The following RBM20 variants were observed in gnomAD, a reference collection of about 807,000 sequenced individuals.
RBM20 encodes the protein RNA-binding protein 20.
RBM20 carries 51 observed loss-of-function variants against 110.1 expected under a neutral mutation model. The observed-to-expected ratio is 0.46, with a 90% CI of 0.37 to 0.59. The LOEUF is 0.59. Among genes scored for constraint, RBM20 ranks in the 20% least tolerant of loss-of-function variants. The pLI is 0.00. For synonymous variants in RBM20, 589 were observed against 618.2 expected, an observed-to-expected ratio of 0.95 and a Z score of 0.70; for missense variants, 1,512 against 1,574.9, an observed-to-expected ratio of 0.96 and a Z score of 0.68.
intron 1 of RBM20, among the ~76,000 whole-genome samples, chr10:110,746,885 G>A (rs1359843349): frequency 1.3e-5 from 2 of 152,136 alleles, no homozygotes; most frequent in Non-Finnish European, 2.9e-5. Flanking sequence ...ATTGTCTATC[G>A]AAATTACATT....
intron 1 of RBM20, among the ~76,000 whole-genome samples, chr10:110,668,929 C>G (rs1369969058): frequency 6.6e-6 from 1 of 150,408 alleles, no homozygotes; most frequent in Non-Finnish European, 1.5e-5. Context: ...ATTTTAAGTC[C>G]TGGCCCTTGC....
intron 7 of RBM20, among the ~76,000 whole-genome samples, chr10:110,803,944 C>T (rs957000680): frequency 4.0e-5 from 6 of 151,884 alleles, no homozygotes; most frequent in South Asian, 2.1e-4. Context: ...TTTCTCTCCA[C>T]GCTGCCTTCT....
intron 1 of RBM20, among the ~76,000 whole-genome samples, chr10:110,694,400 C>A (rs1036781874): frequency 8.5e-5 from 13 of 152,168 alleles, no homozygotes; most frequent in African/African-American, 3.1e-4. Flanking sequence ...TGGGGCTGGG[C>A]TAGCTCTTAT....
intron 8 of RBM20, among the ~76,000 whole-genome samples, 187 bp downstream of exon 8, chr10:110,810,649 C>T (rs991623190): frequency 3.9e-5 from 6 of 152,224 alleles, no homozygotes; most frequent in Admixed American, 3.9e-4. Flanking sequence ...AGACATGCTG[C>T]TCCGGTTAAC....
At chr10:110,686,692 G>T (rs1862510219) in intron 1 of RBM20, among the ~76,000 whole-genome samples, 1 of 152,066 alleles carries the variant, frequency 6.6e-6, no homozygotes, top group Non-Finnish European at 1.5e-5. Context: ...ACAGATGTCT[G>T]GAATTTGGAA....
Position 110,791,475 on chromosome 10 carries a change from AGCCTCTTATTTGAACTCGG to A in RBM20, c.1528-6015_1528-5997del, listed in dbSNP as rs377401029. ...GGCAACTCTAAGTTATTTGAACTTG[AGCCTCTTATTTGAACTCGG>A]GCCTCTTATTTGAACTCATCTGTGA... is the stretch of plus-strand genomic sequence containing the variant. On this transcript the variant is annotated intron_variant, in intron 5 of 13. Coordinates refer to ENST00000369519, the MANE Select transcript of RBM20 (RefSeq NM_001134363.3). Among the ~76,000 whole-genome samples, 449 of 152,316 alleles carry A rather than the reference AGCCTCTTATTTGAACTCGG, an allele frequency of 2.9e-3. 1 individual carries two copies. Among genetic ancestry groups the A allele is most frequent in the African/African-American group, 0.01 (431 of 41,578 alleles).
Position 110,837,133 on chromosome 10 carries a change from G to A in RBM20, c.*1155G>A, listed in dbSNP as rs1365159557. 1 of 152,320 alleles carries A rather than the reference G, an allele frequency of 6.6e-6. No individual in the cohort carries two copies. The highest frequency in any genetic ancestry group is 1.5e-5 in the Non-Finnish European group (1 of 68,092). The allele number at this position is 152,320 out of a possible 1,614,324, so 9.4% of individuals were successfully genotyped here. A position where few individuals can be genotyped will look rare whatever the true frequency, so the allele number is the denominator to read the frequency against. ...TGCAGATCCAAAGAGTGGCATTGAA[G>A]TTTGCTGGGTGTCTGTAGGTGGACC... On this transcript the variant is annotated 3_prime_UTR_variant, in exon 14 of 14. Transcript: ENST00000369519.
chr10:110,808,103 G>A (rs914341172), intron 7 of RBM20, among the ~76,000 whole-genome samples: 4 of 152,254 alleles, frequency 2.6e-5, no homozygotes, highest in African/African-American at 9.6e-5. Context: ...AGTAGCCGGA[G>A]TTCATTGTGT....
chr10:110,824,756 G>A (rs1367491167), intron 12 of RBM20, among the ~76,000 whole-genome samples: 13 of 152,240 alleles, frequency 8.5e-5, no homozygotes, highest in East Asian at 1.9e-4. Flanking sequence ...GAGTCCCCTC[G>A]CATTAGCTCT....
rs1285889652 is a variant in RBM20 at position 110,784,387 on chromosome 10, G to A, written c.1384G>A (p.Ala462Thr). Residue 462 changes from alanine (A) to threonine (T), a missense_variant, in exon 4 of 14, where the codon GCT becomes ACT. Coordinates refer to ENST00000369519, the MANE Select transcript of RBM20 (RefSeq NM_001134363.3). ...TGGTTCGGCAGAGGGAACATTGTGT[G>A]CTTCTCCCAACAGCACAGCTGTTTA... Reference protein sequence around the residue: ...ILGSAEGTLCASPNSTAVYNP... With the variant: ...ILGSAEGTLCTSPNSTAVYNP... 11 of 1,551,440 alleles carry A rather than the reference G, an allele frequency of 7.1e-6. No individual in the cohort carries two copies. Among genetic ancestry groups the A allele is most frequent in the South Asian group, 4.8e-5 (4 of 84,046 alleles).
chr10:110,733,408 T>C (rs1345522667), intron 1 of RBM20, among the ~76,000 whole-genome samples: 2 of 152,200 alleles, frequency 1.3e-5, no homozygotes, highest in African/African-American at 2.4e-5. Context: ...GCTGGGAGGA[T>C]TGACGATGTG....
At chr10:110,810,808 T>C (rs542856695) in intron 8 of RBM20, among the ~76,000 whole-genome samples, 15 of 148,566 alleles carry the variant, frequency 1.0e-4, no homozygotes, top group Non-Finnish European at 1.8e-4. Context: ...TGTGTGTGTG[T>C]GTGTGTGCGT....
rs151112592 is a variant in RBM20 at position 110,702,687 on chromosome 10, G to T, written c.191+58042G>T. Among the ~76,000 whole-genome samples, 980 of 152,350 alleles carry T rather than the reference G, an allele frequency of 6.4e-3. 4 individuals carry two copies. The highest frequency in any genetic ancestry group is 0.01 in the Middle Eastern group (3 of 294). On this transcript the variant is annotated intron_variant, in intron 1 of 13. Coordinates refer to ENST00000369519, the MANE Select transcript of RBM20 (RefSeq NM_001134363.3). ...GTCTTCTGTGCCTGTCCACCCACTA[G>T]CCCTCATGGGCGTAATGCAGAGATC...
intron 1 of RBM20, among the ~76,000 whole-genome samples, chr10:110,730,810 CAT>C (rs1843612886): frequency 6.6e-6 from 1 of 152,212 alleles, no homozygotes; most frequent in South Asian, 2.1e-4. Flanking sequence ...AGAGCAAAGT[CAT>C]GTGGGAGAGG....
chr10:110,784,427 A>G lies in RBM20; in HGVS notation c.1424A>G (p.Asn475Ser), dbSNP rs761937892. ...NSTAVYNPAG[N>S]EDYASNLGTS... ...ACAGCTGTTTATAACCCTGCTGGGAATGAAGGTGAGCAAGGCCCTACAGGT... is the reference window on the plus strand; with the variant it reads ...ACAGCTGTTTATAACCCTGCTGGGAGTGAAGGTGAGCAAGGCCCTACAGGT... Residue 475 changes from asparagine to serine, a missense_variant, in exon 4 of 14, where the codon AAT (asparagine) becomes AGT (serine). This residue lies in a region of RBM20 where 1,149 missense variants were observed against 1,169.4 expected (regional missense o/e 0.98). Transcript: ENST00000369519. The G allele has an allele frequency of 3.2e-6, 5 of 1,550,918 alleles. No homozygotes were observed. Among genetic ancestry groups the G allele is most frequent in the Middle Eastern group, 1.7e-4 (1 of 5,888 alleles).
intron 1 of RBM20, among the ~76,000 whole-genome samples, chr10:110,699,630 G>C (rs949734915): frequency 1.3e-5 from 2 of 151,882 alleles, no homozygotes; most frequent in Non-Finnish European, 2.9e-5. Context: ...ATTCTTAAAG[G>C]GTACTTGTTT....
chr10:110,653,599 T>A (rs1175273013), intron 1 of RBM20, among the ~76,000 whole-genome samples: 1 of 151,988 alleles, frequency 6.6e-6, no homozygotes, highest in African/African-American at 2.4e-5. Flanking sequence ...ACTCTGTCAC[T>A]GAGGCTGGAG....
intron 1 of RBM20, among the ~76,000 whole-genome samples, chr10:110,713,975 G>A (rs1296381222): frequency 6.6e-6 from 1 of 152,162 alleles, no homozygotes; most frequent in African/African-American, 2.4e-5. Flanking sequence ...AAGATACATG[G>A]CCCAAAGGAT....
At chr10:110,691,511 G>T (rs183329561) in intron 1 of RBM20, among the ~76,000 whole-genome samples, 157 of 152,244 alleles carry the variant, frequency 1.0e-3, no homozygotes, top group Non-Finnish European at 1.5e-3. Flanking sequence ...GTTTTGATTT[G>T]CATTGCTCTA....
Sources: allele counts gnomAD v4.1 joint callset (sites outside exome capture counted in the v4.1 genomes callset), GRCh38; gene constraint gnomAD v4.1.1; regional missense constraint gnomAD v4.1.1; transcripts MANE v1.5; gene names NCBI Gene and HGNC (gene_info 2026-07-23, HGNC 2026-07-21).